The following MTUS1 variants were observed in gnomAD, a reference collection of about 807,000 sequenced individuals.
MTUS1 encodes the protein microtubule-associated tumor suppressor 1.
In MTUS1, 109 loss-of-function variants were observed where a neutral mutation model predicts 120.8. The ratio of observed to expected loss-of-function variants is 0.90; its 90% CI spans 0.77 to 1.06. The LOEUF is 1.06. Among genes scored for constraint, MTUS1 ranks in the 50% least tolerant of loss-of-function variants. The probability of loss-of-function intolerance (pLI) is 0.00; values close to 1 mark genes in which losing one functional copy is unlikely to be tolerated. For synonymous variants in MTUS1, 737 were observed against 550.5 expected, an observed-to-expected ratio of 1.34 and a Z score of -4.74; for missense variants, 2,210 against 1,486.3, an observed-to-expected ratio of 1.49 and a Z score of -8.01.
At chr8:17,758,505 G>A (rs976900721) in intron 1 of MTUS1, among the ~76,000 whole-genome samples, 1 of 152,164 alleles carries the variant, frequency 6.6e-6, no homozygotes, top group Admixed American at 6.5e-5. Flanking sequence ...CTTAATAAAA[G>A]CTTTTATGAA....
chr8:17,682,416 G>A (rs1319362361), intron 7 of MTUS1, among the ~76,000 whole-genome samples: 1 of 151,690 alleles, frequency 6.6e-6, no homozygotes, highest in African/African-American at 2.4e-5. Context: ...TATTCGGGAG[G>A]CTGAGGAAGG....
At chr8:17,688,640 T>C (rs1171457449) in intron 6 of MTUS1, among the ~76,000 whole-genome samples, 3 of 152,188 alleles carry the variant, frequency 2.0e-5, no homozygotes, top group Admixed American at 2.0e-4. Context: ...GTTCTTTCAG[T>C]CAGTTTCCCC....
chr8:17,678,958 A>T (rs75216518), intron 7 of MTUS1, among the ~76,000 whole-genome samples: 1 of 152,212 alleles, frequency 6.6e-6, no homozygotes, highest in African/African-American at 2.4e-5. Flanking sequence ...TTAGAAAAAA[A>T]CTAAAATAAC....
At chr8:17,727,319 G>A (rs150078957) in intron 3 of MTUS1, among the ~76,000 whole-genome samples, 9 of 152,276 alleles carry the variant, frequency 5.9e-5, no homozygotes, top group Admixed American at 3.3e-4. Flanking sequence ...TCACATACCC[G>A]GCCAGTGACA....
rs752554612 is a variant in MTUS1 at position 17,754,344 on chromosome 8, G to T, written c.1464C>A (p.Thr488=). Reference sequence around the variant, plus strand: ...TTTTTCTAACTTTGCAGCCTATTGGGGTATTCGTTTTGATTGTTGATTTTC... The same window carrying T: ...TTTTTCTAACTTTGCAGCCTATTGGTGTATTCGTTTTGATTGTTGATTTTC... ...SLGKSTIKTN[T]PIGCKVRKTE... is the part of the protein sequence containing the mutation. Residue 488 remains threonine (T), a synonymous_variant, in exon 2 of 15, where the codon ACC becomes ACA. Coordinates refer to ENST00000693296, the MANE Select transcript of MTUS1 (RefSeq NM_001363059.2). 4 of 1,613,994 alleles carry T rather than the reference G, an allele frequency of 2.5e-6. No individual in the cohort carries two copies. Among genetic ancestry groups the T allele is most frequent in the Non-Finnish European group, 3.4e-6 (4 of 1,180,008 alleles).
At chr8:17,777,054 T>C (rs2050499697) in intron 1 of MTUS1, among the ~76,000 whole-genome samples, 2 of 152,110 alleles carry the variant, frequency 1.3e-5, no homozygotes, top group Non-Finnish European at 2.9e-5. Flanking sequence ...TGAGGTGGGT[T>C]CCACTAAATG....
intron 1 of MTUS1, among the ~76,000 whole-genome samples, chr8:17,778,520 C>A (rs1011459679): frequency 6.6e-6 from 1 of 152,096 alleles, no homozygotes; most frequent in African/African-American, 2.4e-5. Context: ...CTCAATAAAC[C>A]AGACTTAAAG....
At position 17,656,047 on chromosome 8, in the gene MTUS1, C is replaced by G. The variant is rs1808153377; in HGVS notation, c.2924G>C (p.Cys975Ser). ...ATTCCTGGCTTTTTCTAATTTCTCA[C>G]AGGTGGTTGAAGCAGTGACTGAAAA... The part of the protein sequence containing the change: ...RGELVTASTT[C>S]EKLEKARNEL... Residue 975 changes from cysteine to serine, a missense_variant, in exon 9 of 15, where the codon TGT becomes TCT. Physicochemically the swap from Cys to Ser is moderately radical, Grantham distance 112 (BLOSUM62 -1). Coordinates refer to ENST00000693296, the MANE Select transcript of MTUS1 (RefSeq NM_001363059.2). 1 of 1,614,182 alleles carries G rather than the reference C, an allele frequency of 6.2e-7. No individual in the cohort carries two copies.
chr8:17,738,198 C>T (rs917185996), intron 3 of MTUS1, among the ~76,000 whole-genome samples: 1 of 152,174 alleles, frequency 6.6e-6, no homozygotes, highest in Non-Finnish European at 1.5e-5. Context: ...TTTCAGGAGG[C>T]CTTTCTTCAC....
chr8:17,673,113 T>C (rs1298182133), intron 8 of MTUS1, among the ~76,000 whole-genome samples: 2 of 152,186 alleles, frequency 1.3e-5, no homozygotes, highest in Admixed American at 1.3e-4. Flanking sequence ...CTTCTAACTC[T>C]GTTAATTATG....
rs116371553 is a variant in MTUS1 at position 17,735,401 on chromosome 8, G to A, written c.2287+8203C>T. On this transcript the variant is annotated intron_variant, in intron 3 of 14. Coordinates refer to ENST00000693296, the MANE Select transcript of MTUS1 (RefSeq NM_001363059.2). Reference sequence around the variant, plus strand: ...ATTTTAAACATGCATTCTACTATCCGTTCCCAAAAAATATGTAGCACTCGT... The same window carrying A: ...ATTTTAAACATGCATTCTACTATCCATTCCCAAAAAATATGTAGCACTCGT... Among the ~76,000 whole-genome samples the A allele has an allele frequency of 3.1e-3, 466 of 152,200 alleles. 2 individuals are homozygous for A. Among genetic ancestry groups the A allele is most frequent in the African/African-American group, 0.011 (446 of 41,530 alleles).
At chr8:17,780,195 A>C (rs2050765065) in intron 1 of MTUS1, among the ~76,000 whole-genome samples, 1 of 146,226 alleles carries the variant, frequency 6.8e-6, no homozygotes, top group Non-Finnish European at 1.5e-5. Flanking sequence ...AGGGACAGCC[A>C]AAAAAAAAAG....
chr8:17,647,315 G>A (rs193222845), intron 13 of MTUS1: 6 of 411,998 alleles, frequency 1.5e-5, no homozygotes, highest in African/African-American at 4.1e-5. Flanking sequence ...GATACGAGTG[G>A]GTAACAGATT....
At chr8:17,769,385 T>C (rs2049836157) in intron 1 of MTUS1, among the ~76,000 whole-genome samples, 2 of 147,736 alleles carry the variant, frequency 1.4e-5, no homozygotes, top group South Asian at 2.1e-4. Context: ...TCTCGCTCTG[T>C]CGCCCAGGCT....
chr8:17,755,058 C>G lies in MTUS1; in HGVS notation c.750G>C (p.Val250=). The change falls in exon 2 of 15, where the codon GTG becomes GTC. Residue 250 remains valine (V), a synonymous_variant. Coordinates refer to ENST00000693296, the MANE Select transcript of MTUS1 (RefSeq NM_001363059.2). The part of the protein sequence containing the change: ...DMTYTAFSDV[V]MQSEVFVSDI... ...CTGAAACAAAAACCTCACTTTGCATCACCACATCAGAAAATGCTGTGTAAG... is the reference window on the plus strand; with the variant it reads ...CTGAAACAAAAACCTCACTTTGCATGACCACATCAGAAAATGCTGTGTAAG... The G allele has an allele frequency of 6.2e-7, 1 of 1,613,774 alleles. No individual in the cohort carries two copies. The highest frequency in any genetic ancestry group is 8.5e-7 in the Non-Finnish European group (1 of 1,180,028).
At chr8:17,708,706 G>A (rs1820647071) in intron 6 of MTUS1, 1 of 152,208 alleles carries the variant, frequency 6.6e-6, no homozygotes, top group South Asian at 2.1e-4. Context: ...AATGTGTACA[G>A]CAGAGTTTCT....
At chr8:17,684,170 C>G (rs1815230485) in intron 7 of MTUS1, among the ~76,000 whole-genome samples, 158 bp downstream of exon 7, 1 of 152,170 alleles carries the variant, frequency 6.6e-6, no homozygotes, top group Admixed American at 6.5e-5. Context: ...GAGACCGACT[C>G]AAGTATCTGG....
chr8:17,783,291 A>G (rs1184272331), intron 1 of MTUS1, among the ~76,000 whole-genome samples: 1 of 152,122 alleles, frequency 6.6e-6, no homozygotes, highest in Admixed American at 6.6e-5. Flanking sequence ...CATTCCATCC[A>G]TTCTGGAGTT....
At position 17,755,069 on chromosome 8, in the gene MTUS1, A is replaced by C; in HGVS notation, c.739T>G (p.Ser247Ala). The C allele has an allele frequency of 1.2e-6, 2 of 1,613,846 alleles. No homozygotes were observed. Among genetic ancestry groups the C allele is most frequent in the Non-Finnish European group, 1.7e-6 (2 of 1,180,046 alleles). ...ACCTCACTTTGCATCACCACATCAG[A>C]AAATGCTGTGTAAGTCATGTCTTGG... is the stretch of plus-strand genomic sequence containing the variant. ...EAQDMTYTAF[S>A]DVVMQSEVFV... Residue 247 changes from serine (S) to alanine (A), a missense_variant, in exon 2 of 15, where the codon TCT (serine) becomes GCT (alanine). Ser to Ala is a moderately conservative substitution (Grantham distance 99). Coordinates refer to ENST00000693296, the MANE Select transcript of MTUS1 (RefSeq NM_001363059.2).
Sources: allele counts gnomAD v4.1 joint callset (sites outside exome capture counted in the v4.1 genomes callset), GRCh38; gene constraint gnomAD v4.1.1; transcripts MANE v1.5; gene names NCBI Gene and HGNC (gene_info 2026-07-23, HGNC 2026-07-21).